The following SPTLC3 variants were observed in gnomAD, a reference collection of about 807,000 sequenced individuals.
SPTLC3 encodes the protein serine palmitoyltransferase 3.
SPTLC3 carries 36 observed loss-of-function variants against 59.3 expected under a neutral mutation model. The observed-to-expected ratio is 0.61, with a 90% CI of 0.47 to 0.80. The LOEUF is 0.80. SPTLC3 is among the 30% of genes least tolerant of loss of function. The pLI is 0.00. For synonymous variants in SPTLC3, 257 were observed against 240.8 expected, an observed-to-expected ratio of 1.07 and a Z score of -0.62; for missense variants, 625 against 685.1, an observed-to-expected ratio of 0.91 and a Z score of 0.98.
chr20:13,168,850 C>T lies in SPTLC3; in HGVS notation c.*3983C>T, dbSNP rs1425011801. ...CTGTTCTTTAGAATGCCCTACTCAG[C>T]TGCATAATGTTTAGAAAATTAAAGA... On this transcript the variant is annotated 3_prime_UTR_variant, in exon 12 of 12. Transcript: ENST00000399002. 6.6e-6 allele frequency: 1 copy of T among 152,052 alleles called. No homozygotes were observed. Among genetic ancestry groups the T allele is most frequent in the Non-Finnish European group, 1.5e-5 (1 of 68,012 alleles). The allele number at this position is 152,052 out of a possible 1,614,324, so 9.4% of individuals were successfully genotyped here.
intron 1 of SPTLC3, among the ~76,000 whole-genome samples, chr20:13,011,409 A>G (rs1192398074): frequency 6.6e-6 from 1 of 152,150 alleles, no homozygotes; most frequent in Non-Finnish European, 1.5e-5. Context: ...AGATCCTACC[A>G]GCCCCTCCAA....
intron 7 of SPTLC3, among the ~76,000 whole-genome samples, chr20:13,110,867 T>G (rs1468570774): frequency 6.6e-6 from 1 of 152,050 alleles, no homozygotes; most frequent in Admixed American, 6.6e-5. Flanking sequence ...CCTATAATGA[T>G]AGAAAAGTGA....
chr20:13,112,784 T>G (rs1600300165), intron 7 of SPTLC3, among the ~76,000 whole-genome samples: 1 of 152,192 alleles, frequency 6.6e-6, no homozygotes. Flanking sequence ...GGGGCTTCAA[T>G]TTCCTCATCT....
intron 7 of SPTLC3, among the ~76,000 whole-genome samples, chr20:13,115,622 T>C (rs1990493461): frequency 6.6e-6 from 1 of 152,208 alleles, no homozygotes; most frequent in South Asian, 2.1e-4. Context: ...CCATTTATTA[T>C]GTATGACATC....
chr20:13,090,800 A>T (rs150558294), intron 4 of SPTLC3, among the ~76,000 whole-genome samples: 2 of 152,302 alleles, frequency 1.3e-5, no homozygotes, highest in African/African-American at 4.8e-5. Flanking sequence ...TTTTTCACTC[A>T]ACAACAGATT....
chr20:13,033,716 T>C (rs1986604768), intron 1 of SPTLC3, among the ~76,000 whole-genome samples: 1 of 152,196 alleles, frequency 6.6e-6, no homozygotes, highest in South Asian at 2.1e-4. Context: ...CAAGTGATCT[T>C]TTATTTTCTG....
chr20:13,086,590 A>T (rs17263054), intron 4 of SPTLC3, among the ~76,000 whole-genome samples: 2 of 151,880 alleles, frequency 1.3e-5, no homozygotes, highest in Admixed American at 6.6e-5. Flanking sequence ...ATGCAAAACC[A>T]CTCTTAACTT....
At chr20:13,151,200 G>A (rs2038637683) in intron 9 of SPTLC3, among the ~76,000 whole-genome samples, 1 of 152,062 alleles carries the variant, frequency 6.6e-6, no homozygotes, top group Admixed American at 6.5e-5. Context: ...TTTTTTCTGT[G>A]TCTTTCAATT....
chr20:13,091,135 T>A lies in SPTLC3; in HGVS notation c.660T>A (p.Asn220Lys), dbSNP rs367761066. The change falls in exon 5 of 12, where the codon AAT becomes AAA. Residue 220 changes from asparagine to lysine, a missense_variant. Physicochemically the swap from Asn to Lys is moderately conservative, Grantham distance 94. Transcript: ENST00000399002. ...ELEDLVAKFLNVEAAMVFGMG... is the reference protein window; with the variant it reads ...ELEDLVAKFLKVEAAMVFGMG... The stretch of plus-strand genomic sequence containing the variant: ...AGGACCTTGTGGCTAAGTTCCTGAA[T>A]GTGGAAGCAGCTATGGTCTTTGGGA... 6 of 1,614,032 alleles carry A rather than the reference T, an allele frequency of 3.7e-6. No individual in the cohort carries two copies. The highest frequency in any genetic ancestry group is 5.1e-6 in the Non-Finnish European group (6 of 1,179,914).
At chr20:13,110,080 G>A in intron 6 of SPTLC3, 32 bp from the exon 7 acceptor site, 2 of 1,551,890 alleles carry the variant, frequency 1.3e-6, no homozygotes, top group South Asian at 1.2e-5. Flanking sequence ...ACCCTTTCAT[G>A]ACTCAATTTT....
At chr20:13,052,080 G>T (rs1211429719) in intron 2 of SPTLC3, among the ~76,000 whole-genome samples, 1 of 152,080 alleles carries the variant, frequency 6.6e-6, no homozygotes, top group Non-Finnish European at 1.5e-5. Flanking sequence ...AGTGTGGCTG[G>T]CAAGATGGCC....
At chr20:13,150,907 T>C (rs186588464) in intron 9 of SPTLC3, among the ~76,000 whole-genome samples, 1 of 152,342 alleles carries the variant, frequency 6.6e-6, no homozygotes, top group African/African-American at 2.4e-5. Context: ...TCATCATTTA[T>C]TGATTTTTTT....
intron 2 of SPTLC3, among the ~76,000 whole-genome samples, chr20:13,072,051 G>A (rs1568588241): frequency 6.6e-6 from 1 of 152,080 alleles, no homozygotes; most frequent in African/African-American, 2.4e-5. Flanking sequence ...TGTTACCCCT[G>A]TTCATCACAT....
At chr20:13,135,214 G>A (rs1482729433) in intron 9 of SPTLC3, among the ~76,000 whole-genome samples, 6 of 152,138 alleles carry the variant, frequency 3.9e-5, no homozygotes, top group African/African-American at 1.4e-4. Context: ...CAATGGGTAG[G>A]ATCAATTTGA....
intron 1 of SPTLC3, among the ~76,000 whole-genome samples, chr20:13,022,900 T>C (rs1985960463): frequency 6.6e-6 from 1 of 152,094 alleles, no homozygotes; most frequent in Non-Finnish European, 1.5e-5. Context: ...AACAAAATAC[T>C]TACCACGACC....
chr20:13,080,174 C>T (rs947291660), intron 4 of SPTLC3, among the ~76,000 whole-genome samples: 1 of 152,006 alleles, frequency 6.6e-6, no homozygotes, highest in Non-Finnish European at 1.5e-5. Context: ...AAAAGAATAT[C>T]CCAATTTAAG....
chr20:13,164,963 G>A lies in SPTLC3; in HGVS notation c.*96G>A. On this transcript the variant is annotated 3_prime_UTR_variant, in exon 12 of 12. Transcript: ENST00000399002. ...AAATGGATTTCTCCCCCTTCCTCAG[G>A]ACAATTTTGGTTCCCAGACCAGCTT... is the stretch of plus-strand genomic sequence containing the variant. The A allele has an allele frequency of 9.3e-7, 1 of 1,079,812 alleles. No homozygotes were observed. Among genetic ancestry groups the A allele is most frequent in the Non-Finnish European group, 1.3e-6 (1 of 758,488 alleles). The allele number at this position is 1,079,812 out of a possible 1,614,324, so 66.9% of individuals were successfully genotyped here.
chr20:13,114,916 C>T (rs1450858248), intron 7 of SPTLC3, among the ~76,000 whole-genome samples: 2 of 152,082 alleles, frequency 1.3e-5, no homozygotes, highest in Non-Finnish European at 2.9e-5. Context: ...TTAGCTAAGA[C>T]ATTATGTAAT....
intron 1 of SPTLC3, among the ~76,000 whole-genome samples, chr20:13,012,009 C>T (rs1600199650): frequency 6.6e-6 from 1 of 151,982 alleles, no homozygotes; most frequent in Admixed American, 6.5e-5. Flanking sequence ...ATTTCCTATT[C>T]CTTACTTAAT....
Sources: gnomAD v4.1 joint callset for allele counts (sites outside exome capture counted in the v4.1 genomes callset) on GRCh38, gnomAD v4.1.1 for gene constraint, MANE v1.5 for transcripts, NCBI Gene and HGNC (gene_info 2026-07-23, HGNC 2026-07-21) for gene names.